Variants in TRAF3IP1 observed in about 807,000 individuals in gnomAD.
TRAF3IP1 encodes the protein intraflagellar transport 54, also known as TRAF3-interacting protein 1.
A neutral mutation model predicts 89.9 loss-of-function variants in TRAF3IP1; 53 were observed. The observed-to-expected ratio is 0.59, with a 90% CI of 0.47 to 0.74. TRAF3IP1 has a LOEUF of 0.74. Ranked by LOEUF, TRAF3IP1 falls within the 30% of genes least tolerant of loss-of-function variation. The pLI is 0.00. For missense variants in TRAF3IP1, 806 were observed against 866.1 expected, an observed-to-expected ratio of 0.93 and a Z score of 0.87; for synonymous variants, 311 against 322.1, an observed-to-expected ratio of 0.97 and a Z score of 0.37.
At chr2:238,355,970 A>C (rs879168593) in intron 14 of TRAF3IP1, 34 bp from the exon 15 acceptor site, 2 of 1,556,826 alleles carry the variant, frequency 1.3e-6, no homozygotes, top group South Asian at 1.1e-5. Flanking sequence ...ATAGAGAATA[A>C]ACTTTTAACA....
Position 238,397,654 on chromosome 2 carries a change from G to A in TRAF3IP1, c.1885G>A (p.Ala629Thr), listed in dbSNP as rs1175339243. 2 of 1,612,044 alleles carry A rather than the reference G, an allele frequency of 1.2e-6. No individual in the cohort carries two copies. The highest frequency in any genetic ancestry group is 1.3e-5 in the African/African-American group (1 of 74,810). ...QMWHSENRQH[A>T]EALQQEQRIT... ...GTGGCACAGCGAGAACAGGCAGCAC[G>A]CCGAGGCCCTGCAGCAGGAGCAGAG... The change falls in exon 16 of 17, where the codon GCC becomes ACC. Residue 629 changes from alanine to threonine, a missense_variant. Transcript: ENST00000373327.
chr2:238,362,833 T>TCTTCCAGGA (rs1273169883), intron 15 of TRAF3IP1, among the ~76,000 whole-genome samples: 1 of 152,236 alleles, frequency 6.6e-6, no homozygotes, highest in African/African-American at 2.4e-5. Context: ...CCTCCCTGGC[T>TCTTCCAGGA]AGAGGCCGAG....
At chr2:238,326,114 C>A (rs1408445325) in intron 3 of TRAF3IP1, 144 bp downstream of exon 3, 9 of 717,524 alleles carry the variant, frequency 1.3e-5, no homozygotes, top group African/African-American at 3.6e-5. Context: ...CTGATCCCAC[C>A]CCTTCTGGAG....
intron 15 of TRAF3IP1, among the ~76,000 whole-genome samples, chr2:238,356,375 T>C (rs1436792990): frequency 1.3e-5 from 2 of 152,134 alleles, no homozygotes; most frequent in African/African-American, 4.8e-5. Context: ...CGCATGCCTG[T>C]AGTCCCAGCT....
At position 238,328,672 on chromosome 2, in the gene TRAF3IP1, A is replaced by T. The variant is rs773487941; in HGVS notation, c.355-14A>T. The T allele has an allele frequency of 6.2e-7, 1 of 1,610,302 alleles. No individual in the cohort carries two copies. The highest frequency in any genetic ancestry group is 1.1e-5 in the South Asian group (1 of 90,260). On this transcript the variant is annotated splice_polypyrimidine_tract_variant and intron_variant, in intron 3 of 16. Transcript: ENST00000373327. ...TTCACCTAACACCTCATTTCCTTCC[A>T]TTTGGACGACAAGCTCTCTAGTGAC...
chr2:238,357,614 G>C (rs1013823885), intron 15 of TRAF3IP1, among the ~76,000 whole-genome samples: 1 of 152,098 alleles, frequency 6.6e-6, no homozygotes, highest in African/African-American at 2.4e-5. Context: ...CAGCACCACT[G>C]TTTGCCTTGC....
chr2:238,390,353 C>T (rs1006545496), intron 15 of TRAF3IP1, among the ~76,000 whole-genome samples: 2 of 152,148 alleles, frequency 1.3e-5, no homozygotes, highest in African/African-American at 4.8e-5. Flanking sequence ...AATTTCATAG[C>T]TGTGGGTTAT....
intron 15 of TRAF3IP1, among the ~76,000 whole-genome samples, chr2:238,394,202 A>C (rs1701114505): frequency 6.6e-6 from 1 of 152,212 alleles, no homozygotes; most frequent in Non-Finnish European, 1.5e-5. Context: ...TTTCAAAAAA[A>C]AGCCTTGAAA....
At chr2:238,380,127 A>C (rs1404552776) in intron 15 of TRAF3IP1, among the ~76,000 whole-genome samples, 1 of 152,134 alleles carries the variant, frequency 6.6e-6, no homozygotes, top group African/African-American at 2.4e-5. Context: ...AACCATTCAG[A>C]GAGTGTTTCT....
intron 15 of TRAF3IP1, among the ~76,000 whole-genome samples, chr2:238,393,151 T>TTA (rs1327284946): frequency 6.6e-6 from 1 of 152,232 alleles, no homozygotes; most frequent in African/African-American, 2.4e-5. Flanking sequence ...CCATATCTTT[T>TTA]TACATTCCTG....
chr2:238,323,401 C>T (rs1232297845), intron 1 of TRAF3IP1, among the ~76,000 whole-genome samples: 1 of 152,140 alleles, frequency 6.6e-6, no homozygotes, highest in African/African-American at 2.4e-5. Flanking sequence ...TTTTAACTGC[C>T]AGCATCCTGG....
In TRAF3IP1 at chr2:238,397,508, C is replaced by T; in HGVS notation, c.1739C>T (p.Ser580Phe). Reference protein sequence around the residue: ...SAWKKEKDIVSKEIEKLRTSI... With the variant: ...SAWKKEKDIVFKEIEKLRTSI... ...TGGAAGAAGGAGAAGGACATCGTTT[C>T]CAAGGAGATAGAGAAGCTCCGCACG... The change falls in exon 16 of 17, where the codon TCC becomes TTC. Residue 580 changes from serine (S) to phenylalanine (F), a missense_variant. Coordinates refer to ENST00000373327, the MANE Select transcript of TRAF3IP1 (RefSeq NM_015650.4). 6.2e-7 allele frequency: 1 copy of T among 1,613,078 alleles called. No individual in the cohort carries two copies. Among genetic ancestry groups the T allele is most frequent in the South Asian group, 1.1e-5 (1 of 91,082 alleles).
intron 15 of TRAF3IP1, among the ~76,000 whole-genome samples, chr2:238,360,244 T>C (rs927274622): frequency 1.3e-5 from 2 of 152,166 alleles, no homozygotes; most frequent in African/African-American, 4.8e-5. Flanking sequence ...CTGCAGAAAG[T>C]GAAACTATGG....
At chr2:238,324,545 AT>A (rs1386069572) in intron 1 of TRAF3IP1, among the ~76,000 whole-genome samples, 1 of 151,700 alleles carries the variant, frequency 6.6e-6, no homozygotes, top group Non-Finnish European at 1.5e-5. Flanking sequence ...GCTGTCCTAC[AT>A]TTCTTTTGAT....
chr2:238,337,851 C>A (rs566373079), intron 7 of TRAF3IP1, among the ~76,000 whole-genome samples: 2 of 152,160 alleles, frequency 1.3e-5, no homozygotes, highest in East Asian at 3.9e-4. Flanking sequence ...TGGCTATGGA[C>A]CAACCAAGTA....
intron 15 of TRAF3IP1, among the ~76,000 whole-genome samples, chr2:238,395,640 A>G (rs1199602474): frequency 1.3e-5 from 2 of 152,194 alleles, no homozygotes; most frequent in Non-Finnish European, 2.9e-5. Flanking sequence ...TCATCTGACA[A>G]AGGGCTAATA....
Position 238,325,289 on chromosome 2 carries a change from T to G in TRAF3IP1, c.124-17T>G. The stretch of plus-strand genomic sequence containing the variant: ...TGTCTGTGAGGTGACATGGTGGCCT[T>G]TCTTTCTCTCTTGAAGGTGATTAGA... On this transcript the variant is annotated splice_polypyrimidine_tract_variant and intron_variant, in intron 1 of 16. Transcript: ENST00000373327. 1 of 1,614,046 alleles carries G rather than the reference T, an allele frequency of 6.2e-7. No individual in the cohort carries two copies. The highest frequency in any genetic ancestry group is 8.5e-7 in the Non-Finnish European group (1 of 1,179,908).
At position 238,329,243 on chromosome 2, in the gene TRAF3IP1, C is replaced by G. The variant is rs1259191666; in HGVS notation, c.816C>G (p.Asp272Glu). 1.3e-6 allele frequency: 2 copies of G among 1,541,880 alleles called. No homozygotes were observed. The highest frequency in any genetic ancestry group is 1.7e-6 in the Non-Finnish European group (2 of 1,148,996). Residue 272 changes from aspartate (D) to glutamate (E), a missense_variant, in exon 5 of 17, where the codon GAC becomes GAG. Around this residue, in one of 3 missense-constraint regions of TRAF3IP1, gnomAD observed 732 missense variants for 780.5 expected, o/e 0.94. Coordinates refer to ENST00000373327, the MANE Select transcript of TRAF3IP1 (RefSeq NM_015650.4). ...LRDRDRERDRDKGKDRDRRRV... is the reference protein window; with the variant it reads ...LRDRDRERDREKGKDRDRRRV... ...ACAGGGACCGAGAGCGCGACCGGGA[C>G]AAAGGGAAGGACAGGGACAGACGGA...
At chr2:238,395,851 A>G (rs1190430186) in intron 15 of TRAF3IP1, among the ~76,000 whole-genome samples, 2 of 152,242 alleles carry the variant, frequency 1.3e-5, no homozygotes, top group Non-Finnish European at 2.9e-5. Flanking sequence ...ACCAGTTAGA[A>G]TGGCGATCAT....
Sources: allele counts gnomAD v4.1 joint callset (sites outside exome capture counted in the v4.1 genomes callset), GRCh38; gene constraint gnomAD v4.1.1; regional missense constraint gnomAD v4.1.1; transcripts MANE v1.5; gene names NCBI Gene and HGNC (gene_info 2026-07-23, HGNC 2026-07-21).